The following KCNMA1 variants were observed in gnomAD, a reference collection of about 807,000 sequenced individuals.
KCNMA1 encodes the protein Calcium-activated potassium channel subunit alpha-1.
A neutral mutation model predicts 140.0 loss-of-function variants in KCNMA1; 29 were observed. The observed-to-expected ratio is 0.21, with a 90% CI of 0.15 to 0.28. KCNMA1 has a LOEUF of 0.28. Among genes scored for constraint, KCNMA1 ranks in the 10% least tolerant of loss-of-function variants. The probability of loss-of-function intolerance (pLI) is 1.00; values close to 1 mark genes in which losing one functional copy is unlikely to be tolerated. For missense variants in KCNMA1, 880 were observed against 1,602.2 expected, an observed-to-expected ratio of 0.55 and a Z score of 7.70; for synonymous variants, 612 against 611.9, an observed-to-expected ratio of 1.00 and a Z score of 0.00.
chr10:77,302,323 C>T (rs535549733), intron 2 of KCNMA1, among the ~76,000 whole-genome samples: 39 of 152,228 alleles, frequency 2.6e-4, no homozygotes, highest in African/African-American at 8.9e-4. Flanking sequence ...TGCTGCCCAC[C>T]CCCATACTGC....
rs1475083898 is a variant in KCNMA1, at chr10:77,637,743, C to CGCTGCT, written c.-102_-101insAGCAGC. The stretch of plus-strand genomic sequence containing the variant: ...ACAGCCATATTGCTGCTACTGCTGC[C>CGCTGCT]GCCGCCGCCGCCGCCGCGGAGCGCG... On this transcript the variant is annotated 5_prime_UTR_variant, in exon 1 of 28. Coordinates refer to ENST00000286628, the MANE Select transcript of KCNMA1 (RefSeq NM_001161352.2). 2.4e-6 allele frequency: 3 copies of CGCTGCT among 1,233,590 alleles called. No homozygotes were observed. The highest frequency in any genetic ancestry group is 4.3e-5 in the Admixed American group (1 of 23,006). The allele number at this position is 1,233,590 out of a possible 1,614,324, so 76.4% of individuals were successfully genotyped here.
intron 2 of KCNMA1, chr10:77,314,109 A>G (rs1007247648): frequency 2.6e-5 from 4 of 152,210 alleles, no homozygotes; most frequent in African/African-American, 7.2e-5. Context: ...AGTACATCAC[A>G]TGTAGTAAAG....
At chr10:76,943,713 T>C (rs2063190689) in intron 23 of KCNMA1, among the ~76,000 whole-genome samples, 1 of 152,160 alleles carries the variant, frequency 6.6e-6, no homozygotes, top group Non-Finnish European at 1.5e-5. Flanking sequence ...TGTTCCTGGC[T>C]TTTCTGCAAT....
At chr10:77,348,772 C>T (rs2092518551) in intron 2 of KCNMA1, among the ~76,000 whole-genome samples, 1 of 152,174 alleles carries the variant, frequency 6.6e-6, no homozygotes, top group African/African-American at 2.4e-5. Context: ...CTGAATTTCC[C>T]AATGACTCCT....
chr10:76,926,017 G>T (rs1454802909), intron 23 of KCNMA1, among the ~76,000 whole-genome samples: 1 of 151,942 alleles, frequency 6.6e-6, no homozygotes, highest in South Asian at 2.1e-4. Context: ...TTAAAAGAAA[G>T]AATCTTTTTT....
At chr10:77,089,287 T>C (rs989485963) in intron 10 of KCNMA1, among the ~76,000 whole-genome samples, 1 of 152,122 alleles carries the variant, frequency 6.6e-6, no homozygotes, top group Non-Finnish European at 1.5e-5. Context: ...CAGTGGAACC[T>C]CAGAGTAGGA....
At chr10:77,356,859 G>T (rs929769151) in intron 2 of KCNMA1, among the ~76,000 whole-genome samples, 6 of 152,292 alleles carry the variant, frequency 3.9e-5, no homozygotes, top group African/African-American at 1.4e-4. Context: ...CCTGGCTGTG[G>T]TGATTGGTTC....
chr10:76,952,143 G>A (rs1251349295), intron 21 of KCNMA1: 6 of 1,551,506 alleles, frequency 3.9e-6, no homozygotes, highest in Non-Finnish European at 5.2e-6. Context: ...TCCCAGATAC[G>A]GCATCCAGCC....
At chr10:77,445,185 A>G (rs973438097) in intron 1 of KCNMA1, among the ~76,000 whole-genome samples, 18 of 152,104 alleles carry the variant, frequency 1.2e-4, no homozygotes, top group African/African-American at 4.1e-4. Flanking sequence ...TGGGGCTAGG[A>G]TCCCCACTTT....
chr10:77,324,471 T>G (rs607769), intron 2 of KCNMA1, among the ~76,000 whole-genome samples: 1 of 152,130 alleles, frequency 6.6e-6, no homozygotes, highest in Non-Finnish European at 1.5e-5. Flanking sequence ...CCACCCAGCT[T>G]ACTATACCAC....
chr10:76,976,013 C>A (rs553807314), intron 19 of KCNMA1, among the ~76,000 whole-genome samples: 5 of 152,144 alleles, frequency 3.3e-5, no homozygotes, highest in Non-Finnish European at 7.3e-5. Flanking sequence ...ATCAAACAAC[C>A]ACATTATCAT....
chr10:77,285,738 G>C (rs1047920239), intron 2 of KCNMA1, among the ~76,000 whole-genome samples: 2 of 152,132 alleles, frequency 1.3e-5, no homozygotes, highest in African/African-American at 4.8e-5. Context: ...CAAATTGCCT[G>C]TGCTCAAATG....
chr10:77,503,331 A>G (rs547901068), intron 1 of KCNMA1, among the ~76,000 whole-genome samples: 1 of 152,142 alleles, frequency 6.6e-6, no homozygotes, highest in African/African-American at 2.4e-5. Flanking sequence ...AAGCTCTGAG[A>G]GTTAGTTGAA....
At chr10:76,920,158 T>A (rs2055098814) in intron 23 of KCNMA1, among the ~76,000 whole-genome samples, 1 of 149,418 alleles carries the variant, frequency 6.7e-6, no homozygotes. Flanking sequence ...TAAACCCAAG[T>A]GCATTGGAAA....
chr10:77,475,799 G>A (rs79369281), intron 1 of KCNMA1, among the ~76,000 whole-genome samples: 1,833 of 152,094 alleles, frequency 0.012, 37 homozygotes, highest in African/African-American at 0.042. Context: ...GAACTGGAAG[G>A]GCCCTTGGCA....
At chr10:77,421,555 A>C (rs1358122384) in intron 1 of KCNMA1, among the ~76,000 whole-genome samples, 4 of 152,250 alleles carry the variant, frequency 2.6e-5, no homozygotes, top group African/African-American at 9.6e-5. Context: ...CTTAGACAAT[A>C]TATAAACAAA....
chr10:77,551,176 G>A (rs951489212), intron 1 of KCNMA1, among the ~76,000 whole-genome samples: 2 of 152,070 alleles, frequency 1.3e-5, no homozygotes, highest in African/African-American at 4.8e-5. Context: ...TGGAGTGACA[G>A]GAAAAACCTA....
In KCNMA1 at chr10:77,627,415, C is replaced by A. The variant is rs572185817; in HGVS notation, c.378+9850G>T. ...AACAGTCAAAAGCCTCCAGTCACAG[C>A]TGCTGACAAGACCGAAGAGACCTCA... On this transcript the variant is annotated intron_variant, in intron 1 of 27. Transcript: ENST00000286628. Among the ~76,000 whole-genome samples, 8 of 152,258 alleles carry A rather than the reference C, an allele frequency of 5.3e-5. No individual in the cohort carries two copies. In the South Asian group the frequency reaches 1.5e-3, roughly 28 times the overall value.
chr10:77,082,380 G>A (rs2096601923), intron 12 of KCNMA1, among the ~76,000 whole-genome samples: 1 of 151,922 alleles, frequency 6.6e-6, no homozygotes, highest in African/African-American at 2.4e-5. Context: ...TAGTACCTAT[G>A]TGTCTTCATA....
Sources: allele counts gnomAD v4.1 joint callset (sites outside exome capture counted in the v4.1 genomes callset), GRCh38; gene constraint gnomAD v4.1.1; transcripts MANE v1.5; gene names NCBI Gene and HGNC (gene_info 2026-07-23, HGNC 2026-07-21).